TLN2: variants seen among roughly 807,000 people sequenced by gnomAD.
TLN2 encodes talin 2, also known as talin-2.
TLN2 carries 118 observed loss-of-function variants against 294.7 expected under a neutral mutation model. The ratio of observed to expected loss-of-function variants is 0.40; its 90% CI spans 0.34 to 0.47. The LOEUF is 0.47. Ranked by LOEUF, TLN2 falls within the 20% of genes least tolerant of loss-of-function variation. The pLI is 0.84. For missense variants in TLN2, 3,083 were observed against 3,282.2 expected (o/e 0.94, Z 1.48); for synonymous variants, 1,431 against 1,304.5 (o/e 1.10, Z -2.09).
chr15:62,540,356 CTTTT>C (rs11071674), intron 1 of TLN2, among the ~76,000 whole-genome samples: 3 of 138,260 alleles, frequency 2.2e-5, no homozygotes, highest in Non-Finnish European at 3.1e-5. Context: ...AATAAATAAA[CTTTT>C]TTTTTTTTTT....
At chr15:62,777,068 ATTCT>A (rs2063767195) in intron 43 of TLN2, among the ~76,000 whole-genome samples, 158 bp downstream of exon 43, 1 of 152,174 alleles carries the variant, frequency 6.6e-6, no homozygotes, top group African/African-American at 2.4e-5. Context: ...CCAACATATT[ATTCT>A]TTATTATTAA....
intron 1 of TLN2, among the ~76,000 whole-genome samples, chr15:62,455,131 C>T (rs1595844739): frequency 2.6e-5 from 4 of 152,260 alleles, no homozygotes. Flanking sequence ...TCAATGGACT[C>T]CTCCTTTTTG....
intron 54 of TLN2, among the ~76,000 whole-genome samples, chr15:62,825,074 G>A (rs1041911305): frequency 1.3e-5 from 2 of 152,150 alleles, no homozygotes; most frequent in Non-Finnish European, 2.9e-5. Flanking sequence ...GTCCTGTAAT[G>A]TTGGAGTCCT....
At chr15:62,767,814 C>T (rs928494932) in intron 41 of TLN2, among the ~76,000 whole-genome samples, 5 of 152,206 alleles carry the variant, frequency 3.3e-5, no homozygotes, top group Admixed American at 3.3e-4. Context: ...TCAGCAGTTA[C>T]TTTTGATTCC....
rs752002803 is a variant in TLN2 at position 62,708,558 on chromosome 15, G to A, written c.2229G>A (p.Gly743=). The A allele has an allele frequency of 1.3e-5, 21 of 1,614,064 alleles. No individual in the cohort carries two copies. The East Asian group carries it at 4.0e-4, about 31-fold the overall frequency. The change falls in exon 21 of 59, where the codon GGG becomes GGA. Residue 743 remains glycine, a synonymous_variant. Coordinates refer to ENST00000636159, the MANE Select transcript of TLN2 (RefSeq NM_015059.3). Reference sequence around the variant, plus strand: ...GCCAGGAGCAGCTGATTGAAGCAGGGAAGCTGGTGGACCGCTCGGTGGAGA... The same window carrying A: ...GCCAGGAGCAGCTGATTGAAGCAGGAAAGCTGGTGGACCGCTCGGTGGAGA... The part of the protein sequence containing the change: ...PVCQEQLIEA[G]KLVDRSVENC...
chr15:62,638,348 G>T (rs2050620141), intron 3 of TLN2: 1 of 357,684 alleles, frequency 2.8e-6, no homozygotes, highest in South Asian at 2.1e-5. Context: ...ACAGTGATAG[G>T]CAGCAAATGC....
intron 1 of TLN2, among the ~76,000 whole-genome samples, chr15:62,471,694 G>A (rs1053681686): frequency 3.9e-5 from 6 of 152,214 alleles, no homozygotes; most frequent in African/African-American, 1.2e-4. Context: ...TCATGCTATG[G>A]AGGATCTGGA....
At chr15:62,684,442 T>C (rs2057121014) in intron 11 of TLN2, among the ~76,000 whole-genome samples, 1 of 152,208 alleles carries the variant, frequency 6.6e-6, no homozygotes, top group Non-Finnish European at 1.5e-5. Context: ...TCTCACCCCT[T>C]GTGGAACTGC....
intron 1 of TLN2, among the ~76,000 whole-genome samples, chr15:62,579,483 T>C (rs1348713398): frequency 6.6e-6 from 1 of 152,218 alleles, no homozygotes; most frequent in African/African-American, 2.4e-5. Context: ...CCTCGTGTTC[T>C]TGTTTGTGAT....
rs180813538 is a variant in TLN2, at chr15:62,563,385, T to C, written c.-237-26302T>C. On this transcript the variant is annotated intron_variant, in intron 1 of 58. Coordinates refer to ENST00000636159, the MANE Select transcript of TLN2 (RefSeq NM_015059.3). ...TTTTGTTCATTTTGTTGGCCGTTTG[T>C]ATACCTTCTTTTGAAAATTGTCTAT... 1.7e-3 allele frequency among the ~76,000 whole-genome samples: 263 copies of C among 152,362 alleles called. 2 individuals are homozygous for C. The highest frequency in any genetic ancestry group is 0.013 in the Admixed American group (199 of 15,302).
chr15:62,762,592 C>G (rs2062743646), intron 39 of TLN2, 139 bp downstream of exon 39: 1 of 950,648 alleles, frequency 1.1e-6, no homozygotes, highest in African/African-American at 1.6e-5. Context: ...GCCGGAAGCA[C>G]TGGTCACAAT....
chr15:62,660,646 A>T (rs1283300537), intron 9 of TLN2, among the ~76,000 whole-genome samples: 1 of 152,208 alleles, frequency 6.6e-6, no homozygotes, highest in African/African-American at 2.4e-5. Context: ...GCTTGCAGAA[A>T]ATATGCCATG....
At chr15:62,702,721 G>A (rs1243897409) in intron 18 of TLN2, 45 bp from the exon 19 acceptor site, 2 of 1,582,394 alleles carry the variant, frequency 1.3e-6, no homozygotes, top group Admixed American at 3.3e-5. Context: ...TGGCACTGGA[G>A]GAAATGCGTT....
At chr15:62,769,447 A>G (rs1306131857) in intron 41 of TLN2, among the ~76,000 whole-genome samples, 1 of 152,198 alleles carries the variant, frequency 6.6e-6, no homozygotes, top group African/African-American at 2.4e-5. Flanking sequence ...ATGTCTGCCC[A>G]AAGGACCCCT....
At chr15:62,548,569 C>G (rs2042121502) in intron 1 of TLN2, among the ~76,000 whole-genome samples, 1 of 152,182 alleles carries the variant, frequency 6.6e-6, no homozygotes, top group African/African-American at 2.4e-5. Flanking sequence ...TGGTTGTTCA[C>G]TCACACCCAT....
chr15:62,411,430 TGTGTGTGTGTGTG>T (rs568370188), intron 1 of TLN2, among the ~76,000 whole-genome samples: 1,403 of 8,734 alleles, frequency 0.16, 25 homozygotes, highest in African/African-American at 0.28. Context: ...GAGTAATGGA[TGTGTGTGTGTGTG>T]TGTGTGTGTG....
chr15:62,563,512 CTG>C (rs1294903629), intron 1 of TLN2, among the ~76,000 whole-genome samples: 2 of 152,132 alleles, frequency 1.3e-5, no homozygotes, highest in African/African-American at 2.4e-5. Context: ...GATGTATAGA[CTG>C]TGAAGATTTT....
chr15:62,480,588 A>G (rs12708473), intron 1 of TLN2, among the ~76,000 whole-genome samples: 81,141 of 152,068 alleles, frequency 0.53, 22,188 homozygotes, highest in Non-Finnish European at 0.61. Context: ...ACCTGTTGAT[A>G]TATTTAAAAA....
At chr15:62,411,429 A>ATTGTGTGTGTG (rs763302513) in intron 1 of TLN2, among the ~76,000 whole-genome samples, 6 of 136,598 alleles carry the variant, frequency 4.4e-5, no homozygotes, top group Admixed American at 4.4e-4. Context: ...TGAGTAATGG[A>ATTGTGTGTGTG]TGTGTGTGTG....
Sources: gnomAD v4.1 joint callset for allele counts (sites outside exome capture counted in the v4.1 genomes callset) on GRCh38, gnomAD v4.1.1 for gene constraint, MANE v1.5 for transcripts, NCBI Gene and HGNC (gene_info 2026-07-23, HGNC 2026-07-21) for gene names.